The following ANTXRL variants were observed in gnomAD, a reference collection of about 807,000 sequenced individuals.
ANTXRL encodes anthrax toxin receptor-like.
In ANTXRL, 63 loss-of-function variants were observed where a neutral mutation model predicts 75.4. The observed-to-expected ratio is 0.84, with a 90% CI of 0.68 to 1.03. The LOEUF (loss-of-function observed/expected upper bound fraction) is 1.03, where lower values mean the gene tolerates loss of function less well. Among genes scored for constraint, ANTXRL ranks in the 50% least tolerant of loss-of-function variants. The pLI, the probability that ANTXRL is intolerant of heterozygous loss-of-function variation, is 0.00. For synonymous variants in ANTXRL, 335 were observed against 291.3 expected (o/e 1.15, Z -1.53); for missense variants, 797 against 789.4 (o/e 1.01, Z -0.12).
At chr10:46,293,257 T>G (rs1261359491) in intron 2 of ANTXRL, among the ~76,000 whole-genome samples, 3 of 130,970 alleles carry the variant, frequency 2.3e-5, no homozygotes, top group African/African-American at 5.8e-5. Context: ...TGTGGGGGGG[T>G]GTGTATACCT....
At chr10:46,289,251 A>T (rs1836885432) in intron 1 of ANTXRL, among the ~76,000 whole-genome samples, 1 of 152,176 alleles carries the variant, frequency 6.6e-6, no homozygotes, top group Non-Finnish European at 1.5e-5. Flanking sequence ...TGGCCAGGTG[A>T]CATTTGAGGG....
At chr10:46,318,337 G>A (rs1588861361) in intron 16 of ANTXRL, among the ~76,000 whole-genome samples, 1 of 152,084 alleles carries the variant, frequency 6.6e-6, no homozygotes, top group East Asian at 1.9e-4. Context: ...GACCCATGAT[G>A]AAAAGAAACT....
intron 16 of ANTXRL, among the ~76,000 whole-genome samples, chr10:46,321,710 C>A (rs1257374576): frequency 6.6e-6 from 1 of 152,150 alleles, no homozygotes; most frequent in Non-Finnish European, 1.5e-5. Flanking sequence ...TTAAAGCCTA[C>A]CAAGTTTAAG....
chr10:46,323,582 G>A (rs1312036222), intron 16 of ANTXRL, among the ~76,000 whole-genome samples: 1 of 152,142 alleles, frequency 6.6e-6, no homozygotes, highest in Non-Finnish European at 1.5e-5. Flanking sequence ...AAACAAGCTC[G>A]GATGAAGCTT....
At chr10:46,319,629 G>A (rs1273431264) in intron 16 of ANTXRL, among the ~76,000 whole-genome samples, 20 of 152,112 alleles carry the variant, frequency 1.3e-4, no homozygotes, top group African/African-American at 4.6e-4. Context: ...ACTGTAAAAT[G>A]GCCTGATTTG....
intron 16 of ANTXRL, among the ~76,000 whole-genome samples, chr10:46,317,027 G>A (rs1315930153): frequency 8.5e-5 from 13 of 152,182 alleles, no homozygotes; most frequent in African/African-American, 3.1e-4. Flanking sequence ...GAGCTGCTGG[G>A]ATAGGCTCCA....
chr10:46,308,435 C>T (rs1485505162), intron 12 of ANTXRL: 4 of 395,822 alleles, frequency 1.0e-5, no homozygotes, highest in African/African-American at 7.6e-5. Flanking sequence ...CTCCTCTCCA[C>T]TCCCCTCCCC....
At chr10:46,326,497 G>T (rs530219837) in intron 16 of ANTXRL, among the ~76,000 whole-genome samples, 1 of 152,300 alleles carries the variant, frequency 6.6e-6, no homozygotes, top group Non-Finnish European at 1.5e-5. Context: ...CCAGAAGAGG[G>T]TTTGAGCACA....
intron 3 of ANTXRL, among the ~76,000 whole-genome samples, chr10:46,295,510 G>GAGGAGTTAGAGTTAA (rs1554958274): frequency 0.013 from 808 of 61,300 alleles, 17 homozygotes; most frequent in Non-Finnish European, 0.018. Context: ...GTTAGAGTTA[G>GAGGAGTTAGAGTTAA]GAATGTCAAC....
rs1837179083 is a variant in ANTXRL, at chr10:46,293,558, TGTGTGCCTGTGTGTGCGC to T, written c.321-265_321-248del. On this transcript the variant is annotated intron_variant, in intron 2 of 16. Coordinates refer to ENST00000620264, the MANE Select transcript of ANTXRL (RefSeq NM_001278688.3). ...GCATGTGTGTGCATATGTGTGTGAG[TGTGTGCCTGTGTGTGCGC>T]GTGTGTGTGTGCAAGTGTCTTTGGG... 3.3e-5 allele frequency among the ~76,000 whole-genome samples: 5 copies of T among 149,916 alleles called. No individual in the cohort carries two copies. In the South Asian group the frequency reaches 1.1e-3, roughly 32 times the overall value.
At chr10:46,305,878 G>A (rs1474481689) in intron 10 of ANTXRL, among the ~76,000 whole-genome samples, 1 of 151,920 alleles carries the variant, frequency 6.6e-6, no homozygotes, top group African/African-American at 2.4e-5. Flanking sequence ...AGTTGTTCTG[G>A]TCAAACACTC....
In ANTXRL at chr10:46,320,250, G is replaced by T. The variant is rs112146986; in HGVS notation, c.1410+6934G>T. On this transcript the variant is annotated intron_variant, in intron 16 of 16. Coordinates refer to ENST00000620264, the MANE Select transcript of ANTXRL (RefSeq NM_001278688.3). ...TCCTGGGGGCTCACTCTTGCTGGTAGTGGGGAACCCACTGTATGAAATTTA... is the reference window on the plus strand; with the variant it reads ...TCCTGGGGGCTCACTCTTGCTGGTATTGGGGAACCCACTGTATGAAATTTA... Among the ~76,000 whole-genome samples the T allele has an allele frequency of 2.2e-3, 340 of 152,284 alleles. 1 individual carries two copies. The highest frequency in any genetic ancestry group is 4.4e-3 in the South Asian group (21 of 4,826).
intron 10 of ANTXRL, among the ~76,000 whole-genome samples, chr10:46,305,443 A>C (rs2132760700): frequency 6.6e-6 from 1 of 152,340 alleles, no homozygotes; most frequent in African/African-American, 2.4e-5. Context: ...AAAGCAGAGA[A>C]AGCCTTTTAA....
rs1410845109 is a variant in ANTXRL, at chr10:46,313,313, C to T, written c.1407C>T (p.Asp469=). Residue 469 remains aspartate (D), a synonymous_variant, in exon 16 of 17, where the codon GAC becomes GAT. Coordinates refer to ENST00000620264, the MANE Select transcript of ANTXRL (RefSeq NM_001278688.3). The part of the protein sequence containing the change: ...QVPWMCCQSR[D]QGRYLSLALA... Reference sequence around the variant, plus strand: ...CATGGATGTGTTGTCAGAGCAGGGACCAGGTGAGCTAGGGCACAGGGACAC... The same window carrying T: ...CATGGATGTGTTGTCAGAGCAGGGATCAGGTGAGCTAGGGCACAGGGACAC... The T allele has an allele frequency of 3.9e-6, 6 of 1,535,824 alleles. No individual in the cohort carries two copies. Among genetic ancestry groups the T allele is most frequent in the African/African-American group, 1.4e-5 (1 of 73,134 alleles).
chr10:46,288,989 G>A (rs1836869852), intron 1 of ANTXRL, among the ~76,000 whole-genome samples: 1 of 152,170 alleles, frequency 6.6e-6, no homozygotes, highest in Non-Finnish European at 1.5e-5. Flanking sequence ...ACCCACCACA[G>A]CCTCCAGATA....
At chr10:46,296,798 C>T (rs1185627112) in intron 5 of ANTXRL, among the ~76,000 whole-genome samples, 1 of 152,118 alleles carries the variant, frequency 6.6e-6, no homozygotes, top group Non-Finnish European at 1.5e-5. Flanking sequence ...CCAGAGATGC[C>T]GGCAGGGCTG....
chr10:46,309,438 C>T (rs556795503), intron 13 of ANTXRL, among the ~76,000 whole-genome samples: 1 of 152,284 alleles, frequency 6.6e-6, no homozygotes, highest in Non-Finnish European at 1.5e-5. Flanking sequence ...GCCTGGAATG[C>T]CCTGGACATG....
intron 16 of ANTXRL, 77 bp downstream of exon 16, chr10:46,313,393 G>A: frequency 7.1e-7 from 1 of 1,417,938 alleles, no homozygotes; most frequent in South Asian, 1.2e-5. Flanking sequence ...TCTGGGATTG[G>A]GGCTCAGAGA....
intron 15 of ANTXRL, 113 bp downstream of exon 15, chr10:46,311,778 G>A: frequency 3.5e-6 from 2 of 577,978 alleles, no homozygotes; most frequent in Non-Finnish European, 6.1e-6. Flanking sequence ...AGGCTCTACA[G>A]GGGCTGGACT....
Sources: gnomAD v4.1 joint callset for allele counts (sites outside exome capture counted in the v4.1 genomes callset) on GRCh38, gnomAD v4.1.1 for gene constraint, MANE v1.5 for transcripts, NCBI Gene and HGNC (gene_info 2026-07-23, HGNC 2026-07-21) for gene names.